Variants in RBCK1 observed in about 807,000 individuals in gnomAD.
The protein encoded by RBCK1 is ranBP-type and C3HC4-type zinc finger-containing protein 1.
A neutral mutation model predicts 71.1 loss-of-function variants in RBCK1; 44 were observed. The observed-to-expected ratio is 0.62, with a 90% CI of 0.49 to 0.80. The LOEUF (loss-of-function observed/expected upper bound fraction) is 0.80. Among genes scored for constraint, RBCK1 ranks in the 30% least tolerant of loss-of-function variants. The pLI is 0.00. For synonymous variants in RBCK1, 306 were observed against 279.7 expected (o/e 1.09, Z -0.94); for missense variants, 569 against 685.0 (o/e 0.83, Z 1.89).
rs1477729029 is a variant in RBCK1 at position 430,151 on chromosome 20, C to T, written c.1453-199C>T. Among the ~76,000 whole-genome samples, 1 of 152,206 alleles carries T rather than the reference C, an allele frequency of 6.6e-6. No homozygotes were observed. Among genetic ancestry groups the T allele is most frequent in the Non-Finnish European group, 1.5e-5 (1 of 68,036 alleles). ...TCAGATCCTCTCCCTGGCCTGTTCC[C>T]GGATCTAGGCGTGGGTAGACTGAGT... On this transcript the variant is annotated intron_variant, in intron 11 of 11. Transcript: ENST00000356286. The surrounding 1 kb of genome is among the most constrained non-coding windows in gnomAD (Gnocchi z 5.6).
Position 428,504 on chromosome 20 carries a change from A to T in RBCK1, c.1223A>T (p.Gln408Leu). 2.5e-6 allele frequency: 4 copies of T among 1,609,704 alleles called. No individual in the cohort carries two copies. Among genetic ancestry groups the T allele is most frequent in the Non-Finnish European group, 3.4e-6 (4 of 1,178,172 alleles). ...NCLLCKAIHE[Q>L]MNCKEYQEDL... is the part of the protein sequence containing the mutation. ...CACCCGCTACAGGCCATCCATGAGC[A>T]GATGAACTGCAAGGAGTATCAGGAG... The change falls in exon 10 of 12, where the codon CAG (glutamine) becomes CTG (leucine). Residue 408 changes from glutamine to leucine, a missense_variant. Gln to Leu is a moderately radical substitution (Grantham distance 113). Coordinates refer to ENST00000356286, the MANE Select transcript of RBCK1 (RefSeq NM_031229.4). This position sits in a 1 kb window ranked among gnomAD's most constrained non-coding sequence, Gnocchi z 5.7.
intron 2 of RBCK1, among the ~76,000 whole-genome samples, chr20:412,068 A>G (rs2015741707): frequency 6.6e-6 from 1 of 152,228 alleles, no homozygotes; most frequent in Non-Finnish European, 1.5e-5. Context: ...ACAGTTTTCC[A>G]AAGTGGCTGC....
intron 8 of RBCK1, among the ~76,000 whole-genome samples, chr20:424,435 TC>T (rs1444184530): frequency 1.4e-4 from 21 of 151,980 alleles, no homozygotes; most frequent in Admixed American, 6.6e-5. Flanking sequence ...TTTATTTCTG[TC>T]CCCCCTGCCT....
At position 430,314 on chromosome 20, in the gene RBCK1, G is replaced by A. The variant is rs750051203; in HGVS notation, c.1453-36G>A. On this transcript the variant is annotated intron_variant, in intron 11 of 11. Coordinates refer to ENST00000356286, the MANE Select transcript of RBCK1 (RefSeq NM_031229.4). The surrounding 1 kb of genome is among the most constrained non-coding windows in gnomAD (Gnocchi z 5.6). The stretch of plus-strand genomic sequence containing the variant: ...CGGCTGTGGGGGCAGTCTCTGCACT[G>A]CGCTGACATTCTCTTCTCTTCCTCC... 10 of 1,552,658 alleles carry A rather than the reference G, an allele frequency of 6.4e-6. No homozygotes were observed. In the Admixed American group the frequency reaches 1.7e-4, roughly 26 times the overall value.
chr20:420,100 C>CCT, intron 6 of RBCK1: 4 of 984,604 alleles, frequency 4.1e-6, no homozygotes, highest in Non-Finnish European at 4.8e-6. Flanking sequence ...TCAGCTCGGA[C>CCT]CTCACCCCCA....
At chr20:421,381 C>T (rs989742408) in intron 7 of RBCK1, among the ~76,000 whole-genome samples, 1 of 152,204 alleles carries the variant, frequency 6.6e-6, no homozygotes, top group Non-Finnish European at 1.5e-5. Flanking sequence ...ATGGCCCCCC[C>T]ACCCCTGAAT....
At chr20:426,778 C>T (rs1411152527) in intron 8 of RBCK1, among the ~76,000 whole-genome samples, 1 of 151,236 alleles carries the variant, frequency 6.6e-6, no homozygotes, top group Non-Finnish European at 1.5e-5. Flanking sequence ...TTAGAAATTC[C>T]CCCCACTTTC....
chr20:421,183 A>G (rs1163564577), intron 7 of RBCK1, 152 bp downstream of exon 7: 1 of 1,027,534 alleles, frequency 9.7e-7, no homozygotes, highest in African/African-American at 1.6e-5. Context: ...GTTGCGGACG[A>G]GGAACCTGAG....
chr20:411,779 GGGATTACAGGTGTGA>G (rs1568549699), intron 2 of RBCK1, among the ~76,000 whole-genome samples: 93 of 152,318 alleles, frequency 6.1e-4, no homozygotes, highest in African/African-American at 2.2e-3. Context: ...TCAAAGTGCT[GGGATTACAGGTGTGA>G]GCCACCATGC....
At chr20:413,318 A>C (rs2015808623) in intron 2 of RBCK1, among the ~76,000 whole-genome samples, 1 of 152,102 alleles carries the variant, frequency 6.6e-6, no homozygotes, top group South Asian at 2.1e-4. Flanking sequence ...GCAAAAAAAA[A>C]ACAACAACAA....
Position 408,787 on chromosome 20 carries a change from C to G in RBCK1, c.22+8C>G. On this transcript the variant is annotated splice_region_variant and intron_variant, in intron 1 of 11. Transcript: ENST00000356286. Reference sequence around the variant, plus strand: ...ACGAGAAGACCAAGAAAGGTGGGCACAGGCTGGAGGTGGCTGGGGAACTTC... The same window carrying G: ...ACGAGAAGACCAAGAAAGGTGGGCAGAGGCTGGAGGTGGCTGGGGAACTTC... 1 of 1,610,276 alleles carries G rather than the reference C, an allele frequency of 6.2e-7. No homozygotes were observed. The highest frequency in any genetic ancestry group is 1.1e-5 in the South Asian group (1 of 90,394).
At position 419,711 on chromosome 20, in the gene RBCK1, G is replaced by A. The variant is rs2122247053; in HGVS notation, c.736G>A (p.Ala246Thr). The A allele has an allele frequency of 6.4e-7, 1 of 1,564,316 alleles. No homozygotes were observed. The highest frequency in any genetic ancestry group is 8.6e-7 in the Non-Finnish European group (1 of 1,158,618). The change falls in exon 6 of 12, where the codon GCG (alanine) becomes ACG (threonine). Residue 246 changes from alanine to threonine, a missense_variant. Ala to Thr is a moderately conservative substitution (Grantham distance 58). Coordinates refer to ENST00000356286, the MANE Select transcript of RBCK1 (RefSeq NM_031229.4). ...AGCGCGCCTGGCGGGCGAGGAGGAGGCGCTGCGTCAGTACCAGCAGGTGGG... is the reference window on the plus strand; with the variant it reads ...AGCGCGCCTGGCGGGCGAGGAGGAGACGCTGCGTCAGTACCAGCAGGTGGG... ...ERARLAGEEEALRQYQQRKQQ... is the reference protein window; with the variant it reads ...ERARLAGEEETLRQYQQRKQQ...
chr20:419,974 C>T (rs2016285614), intron 6 of RBCK1: 2 of 985,144 alleles, frequency 2.0e-6, no homozygotes, highest in South Asian at 9.4e-5. Context: ...GGTTCACATG[C>T]CCCACTCCCA....
At chr20:420,709 A>AT in intron 6 of RBCK1, 162 bp from the exon 7 acceptor site, 1 of 124 alleles carries the variant, frequency 8.1e-3, no homozygotes, top group African/African-American at 0.042. Flanking sequence ...CCCCACCCCC[A>AT]TCCCCCACCC....
intron 11 of RBCK1, 81 bp downstream of exon 11, chr20:429,175 A>T: frequency 6.6e-7 from 1 of 1,511,466 alleles, no homozygotes. Context: ...ACTACAGCCC[A>T]TGGGCCATAT....
In RBCK1 at chr20:431,807, C is replaced by T. The variant is rs1257442858; in HGVS notation, c.*1377C>T. On this transcript the variant is annotated 3_prime_UTR_variant, in exon 12 of 12. Coordinates refer to ENST00000356286, the MANE Select transcript of RBCK1 (RefSeq NM_031229.4). The surrounding 1 kb of genome is among the most constrained non-coding windows in gnomAD (Gnocchi z 4.8). Reference sequence around the variant, plus strand: ...AGGATGAGGGGCACACTCAGGCAGCCTCCCCGGCCCTGGAGGCAGAAAGGC... The same window carrying T: ...AGGATGAGGGGCACACTCAGGCAGCTTCCCCGGCCCTGGAGGCAGAAAGGC... Among the ~76,000 whole-genome samples, 1 of 152,220 alleles carries T rather than the reference C, an allele frequency of 6.6e-6. No homozygotes were observed. Among genetic ancestry groups the T allele is most frequent in the East Asian group, 1.9e-4 (1 of 5,192 alleles).
Position 417,413 on chromosome 20 carries a change from G to T in RBCK1, c.168-113G>T. 1.1e-6 allele frequency: 1 copy of T among 881,220 alleles called. No individual in the cohort carries two copies. The highest frequency in any genetic ancestry group is 1.9e-6 in the Non-Finnish European group (1 of 519,772). 54.6% of individuals were successfully genotyped at this position (881,220 alleles called of 1,614,324 possible). ...CTGGGGTTTGTGTGTGTGTGTGTGTGTGTGTGTGTGCATGGCCATGTGCCT... is the reference window on the plus strand; with the variant it reads ...CTGGGGTTTGTGTGTGTGTGTGTGTTTGTGTGTGTGCATGGCCATGTGCCT... On this transcript the variant is annotated intron_variant, in intron 2 of 11. Coordinates refer to ENST00000356286, the MANE Select transcript of RBCK1 (RefSeq NM_031229.4). This position sits in a 1 kb window ranked among gnomAD's most constrained non-coding sequence, Gnocchi z 4.7.
At position 410,034 on chromosome 20, in the gene RBCK1, T is replaced by C. The variant is rs777856382; in HGVS notation, c.167+9T>C. The C allele has an allele frequency of 2.0e-5, 33 of 1,612,042 alleles. No homozygotes were observed. The highest frequency in any genetic ancestry group is 2.4e-5 in the Non-Finnish European group (28 of 1,178,798). The stretch of plus-strand genomic sequence containing the variant: ...CCAACGCAGGACATCAGGTGAGGAG[T>C]GCATGGCTGGCCTGAACCCAAGGGA... On this transcript the variant is annotated intron_variant, in intron 2 of 11. Coordinates refer to ENST00000356286, the MANE Select transcript of RBCK1 (RefSeq NM_031229.4).
At chr20:418,585 G>T (rs1042754752) in intron 4 of RBCK1, among the ~76,000 whole-genome samples, 2 of 152,042 alleles carry the variant, frequency 1.3e-5, no homozygotes, top group East Asian at 1.9e-4. Context: ...AGCCAGGATG[G>T]TCTCGATCTC....
Sources: allele counts gnomAD v4.1 joint callset (sites outside exome capture counted in the v4.1 genomes callset), GRCh38; gene constraint gnomAD v4.1.1; non-coding constraint Gnocchi (gnomAD v3.1); transcripts MANE v1.5; gene names NCBI Gene and HGNC (gene_info 2026-07-23, HGNC 2026-07-21).